NBEA: variants seen among roughly 807,000 people sequenced by gnomAD.
NBEA encodes lysosomal-trafficking regulator 2.
NBEA carries 44 observed loss-of-function variants against 343.4 expected under a neutral mutation model. The observed-to-expected ratio is 0.13, with a 90% CI of 0.10 to 0.16. The LOEUF is 0.16. Ranked by LOEUF, NBEA falls within the 10% of genes least tolerant of loss-of-function variation. NBEA has a pLI of 1.00. For missense variants in NBEA, 2,555 were observed against 3,631.3 expected, an observed-to-expected ratio of 0.70 and a Z score of 7.62; for synonymous variants, 1,175 against 1,238.7, an observed-to-expected ratio of 0.95 and a Z score of 1.08.
intron 17 of NBEA, among the ~76,000 whole-genome samples, chr13:35,137,662 C>T (rs1016243989): frequency 2.0e-5 from 3 of 151,998 alleles, no homozygotes; most frequent in African/African-American, 4.8e-5. Flanking sequence ...CTCTTACTCT[C>T]CATAAAAAGA....
intron 52 of NBEA, among the ~76,000 whole-genome samples, chr13:35,650,058 T>C (rs1017510815): frequency 1.2e-4 from 18 of 152,360 alleles, no homozygotes; most frequent in Admixed American, 2.6e-4. Flanking sequence ...GCTTGGATCA[T>C]AGTCAACTAC....
intron 17 of NBEA, among the ~76,000 whole-genome samples, chr13:35,125,233 C>T (rs74051264): frequency 0.028 from 4,235 of 152,038 alleles, 86 homozygotes; most frequent in South Asian, 0.075. Context: ...CTCCAGAATA[C>T]GGGTATCAGC....
intron 39 of NBEA, among the ~76,000 whole-genome samples, chr13:35,445,814 A>ATATATATATG (rs1555267196): frequency 1.9e-5 from 2 of 103,700 alleles, no homozygotes; most frequent in African/African-American, 7.5e-5. Context: ...ATATATATAT[A>ATATATATATG]TATGTATATA....
intron 41 of NBEA, among the ~76,000 whole-genome samples, chr13:35,498,140 A>G (rs2076751204): frequency 6.6e-6 from 1 of 152,086 alleles, no homozygotes; most frequent in South Asian, 2.1e-4. Context: ...GGCACTAAGT[A>G]TTACTTGCTT....
chr13:34,981,660 C>T (rs766416669), intron 1 of NBEA, among the ~76,000 whole-genome samples: 2 of 150,586 alleles, frequency 1.3e-5, no homozygotes, highest in Non-Finnish European at 3.0e-5. Flanking sequence ...ATGTCCTTGT[C>T]AGGTTTTGTC....
At chr13:35,144,871 C>A (rs1247988762) in intron 18 of NBEA, among the ~76,000 whole-genome samples, 1 of 152,068 alleles carries the variant, frequency 6.6e-6, no homozygotes, top group Non-Finnish European at 1.5e-5. Flanking sequence ...ACAAAATTTA[C>A]AAGGAGGTTA....
chr13:35,593,152 C>T (rs913403246), intron 46 of NBEA, 176 bp from the exon 47 acceptor site: 3 of 499,408 alleles, frequency 6.0e-6, no homozygotes, highest in Non-Finnish European at 1.0e-5. Context: ...CAACTGCTGC[C>T]TTGGCCTAGT....
In NBEA at chr13:34,942,852, G is replaced by T. The variant is rs1193695681; in HGVS notation, c.32G>T (p.Gly11Val). ...AGCGAGAAGCCGGGCCCGGGCCCGGGGCTCGAGCCTCAGCCCGTGGGGCTC... is the reference window on the plus strand; with the variant it reads ...AGCGAGAAGCCGGGCCCGGGCCCGGTGCTCGAGCCTCAGCCCGTGGGGCTC... MASEKPGPGP[G>V]LEPQPVGLIA... The change falls in exon 1 of 59, where the codon GGG becomes GTG. Residue 11 changes from glycine (G) to valine (V), a missense_variant. Gly to Val is a moderately radical substitution (Grantham distance 109). Coordinates refer to ENST00000379939, the MANE Select transcript of NBEA (RefSeq NM_001385012.1). 1 of 1,370,248 alleles carries T rather than the reference G, an allele frequency of 7.3e-7. No individual in the cohort carries two copies. Among genetic ancestry groups the T allele is most frequent in the Non-Finnish European group, 9.5e-7 (1 of 1,057,662 alleles). 84.9% of individuals were successfully genotyped at this position (1,370,248 alleles called of 1,614,324 possible).
chr13:35,480,058 G>GA (rs35107997), intron 41 of NBEA, among the ~76,000 whole-genome samples: 121,767 of 136,334 alleles, frequency 0.89, 54,826 homozygotes, highest in South Asian at 0.97. Flanking sequence ...TACCAGTTAG[G>GA]AAAAAAAAAA....
At chr13:35,421,422 A>G (rs1169863676) in intron 38 of NBEA, among the ~76,000 whole-genome samples, 2 of 152,074 alleles carry the variant, frequency 1.3e-5, no homozygotes, top group Non-Finnish European at 2.9e-5. Flanking sequence ...CTGTCAGTCC[A>G]TGTGAAATAT....
At chr13:35,384,409 G>A (rs760852379) in intron 38 of NBEA, among the ~76,000 whole-genome samples, 11 of 151,620 alleles carry the variant, frequency 7.3e-5, no homozygotes, top group Non-Finnish European at 1.3e-4. Flanking sequence ...TCAGAGGAGT[G>A]ATTATTTCTT....
At chr13:35,447,730 C>T (rs184784472) in intron 39 of NBEA, among the ~76,000 whole-genome samples, 17 of 152,168 alleles carry the variant, frequency 1.1e-4, no homozygotes, top group Admixed American at 3.9e-4. Flanking sequence ...AGATCCAAGG[C>T]GTTCTGGTAG....
intron 1 of NBEA, among the ~76,000 whole-genome samples, chr13:35,031,142 CA>C (rs1213995513): frequency 2.6e-5 from 4 of 151,634 alleles, no homozygotes; most frequent in African/African-American, 9.7e-5. Flanking sequence ...GCATAAACCT[CA>C]TTATCGGCTT....
At chr13:35,595,628 C>A (rs558170986) in intron 47 of NBEA, among the ~76,000 whole-genome samples, 4 of 152,212 alleles carry the variant, frequency 2.6e-5, no homozygotes, top group South Asian at 4.1e-4. Flanking sequence ...TTTGCACAGA[C>A]ATCCTGATGG....
At chr13:35,217,743 T>C (rs2074143274) in intron 33 of NBEA, among the ~76,000 whole-genome samples, 1 of 152,090 alleles carries the variant, frequency 6.6e-6, no homozygotes, top group Non-Finnish European at 1.5e-5. Flanking sequence ...TTCTCCTGAA[T>C]GCTCAGTGTA....
chr13:35,264,632 A>G (rs1403021911), intron 34 of NBEA, among the ~76,000 whole-genome samples: 1 of 151,982 alleles, frequency 6.6e-6, no homozygotes, highest in Non-Finnish European at 1.5e-5. Flanking sequence ...ACAATAACAG[A>G]TTGAAAGACA....
At chr13:35,448,665 C>A (rs2152942832) in intron 39 of NBEA, among the ~76,000 whole-genome samples, 1 of 152,244 alleles carries the variant, frequency 6.6e-6, no homozygotes, top group South Asian at 2.1e-4. Flanking sequence ...CAAGCAGTTA[C>A]AATATCTATA....
chr13:35,335,007 A>C (rs2039163355), intron 36 of NBEA, among the ~76,000 whole-genome samples: 1 of 152,076 alleles, frequency 6.6e-6, no homozygotes, highest in African/African-American at 2.4e-5. Context: ...TTAAATCTTT[A>C]ATCCATTTTG....
intron 48 of NBEA, among the ~76,000 whole-genome samples, chr13:35,615,129 C>CAAAAAAAAAAA (rs34475826): frequency 8.1e-5 from 9 of 110,972 alleles, no homozygotes; most frequent in African/African-American, 1.0e-4. Context: ...ACTAAAAATA[C>CAAAAAAAAAAA]AAAAAAAAAA....
Sources: gnomAD v4.1 joint callset for allele counts (sites outside exome capture counted in the v4.1 genomes callset) on GRCh38, gnomAD v4.1.1 for gene constraint, MANE v1.5 for transcripts, NCBI Gene and HGNC (gene_info 2026-07-23, HGNC 2026-07-21) for gene names.